The following GBP2 variants were observed in gnomAD, a reference collection of about 807,000 sequenced individuals.
GBP2 encodes guanylate-binding protein 2.
GBP2 carries 54 observed loss-of-function variants against 60.8 expected under a neutral mutation model. The ratio of observed to expected loss-of-function variants is 0.89; its 90% CI spans 0.71 to 1.11. The LOEUF (loss-of-function observed/expected upper bound fraction) is 1.11, where lower values mean the gene tolerates loss of function less well. Ranked by LOEUF, GBP2 falls within the 50% of genes most tolerant of loss-of-function variation. GBP2 has a pLI of 0.00. For synonymous variants in GBP2, 243 were observed against 256.5 expected, an observed-to-expected ratio of 0.95 and a Z score of 0.50; for missense variants, 665 against 703.3, an observed-to-expected ratio of 0.95 and a Z score of 0.62.
In GBP2 at chr1:89,109,841, C is replaced by G. The variant is rs930486333; in HGVS notation, c.1495G>C (p.Ala499Pro). 1 of 1,613,758 alleles carries G rather than the reference C, an allele frequency of 6.2e-7. No homozygotes were observed. Among genetic ancestry groups the G allele is most frequent in the African/African-American group, 1.3e-5 (1 of 75,034 alleles). Residue 499 changes from alanine to proline, a missense_variant, in exon 10 of 11, where the codon GCT becomes CCT. Physicochemically the swap from Ala to Pro is conservative, Grantham distance 27. Transcript: ENST00000370466. ...ATTTCCTCCAACATTTTCTTTGCAG[C>G]TTCTGCAGATTCAGCCTTTATACGT... is the stretch of plus-strand genomic sequence containing the variant. ...VERIKAESAE[A>P]AKKMLEEIQK...
At chr1:89,112,811 T>C in intron 7 of GBP2, 127 bp from the exon 8 acceptor site, 2 of 673,280 alleles carry the variant, frequency 3.0e-6, no homozygotes, top group East Asian at 2.7e-5. Flanking sequence ...GCTCCTCACA[T>C]TGCTGTTAGA....
At chr1:89,110,777 C>G (rs1681149587) in intron 8 of GBP2, among the ~76,000 whole-genome samples, 2 of 152,160 alleles carry the variant, frequency 1.3e-5, no homozygotes, top group Non-Finnish European at 1.5e-5. Flanking sequence ...ACACCAAAAT[C>G]TCAGAAATCA....
intron 4 of GBP2, chr1:89,119,193 G>C (rs1240618187): frequency 2.6e-5 from 4 of 152,128 alleles, no homozygotes. Context: ...AGGAAATGTG[G>C]TATTCTAATA....
chr1:89,122,031 T>A, intron 1 of GBP2, 48 bp from the exon 2 acceptor site: 1 of 1,432,240 alleles, frequency 7.0e-7, no homozygotes, highest in Non-Finnish European at 9.5e-7. Context: ...TTTAGGTAGT[T>A]AGCTATGCTG....
Position 89,112,901 on chromosome 1 carries a change from C to T in GBP2, c.1150-217G>A, listed in dbSNP as rs907438901. 30 of 568,380 alleles carry T rather than the reference C, an allele frequency of 5.3e-5. No individual in the cohort carries two copies. In the Admixed American group the frequency reaches 6.3e-4, roughly 12 times the overall value. The allele number at this position is 568,380 out of a possible 1,614,324, so 35.2% of individuals were successfully genotyped here. ...TGTGATTTCCTAAAGCTCCTTTCTC[C>T]CAGTTTTCCTGTTTCAGAGAATGAT... On this transcript the variant is annotated intron_variant, in intron 7 of 10. Transcript: ENST00000370466.
Position 89,113,341 on chromosome 1 carries a change from C to A in GBP2, c.1150-657G>T, listed in dbSNP as rs112956911. Reference sequence around the variant, plus strand: ...TCTCATAGAACAGCACATTTATCTACATTAAATCACTCAAGATAACTTAAC... The same window carrying A: ...TCTCATAGAACAGCACATTTATCTAAATTAAATCACTCAAGATAACTTAAC... On this transcript the variant is annotated intron_variant, in intron 7 of 10. Coordinates refer to ENST00000370466, the MANE Select transcript of GBP2 (RefSeq NM_004120.5). Among the ~76,000 whole-genome samples the A allele has an allele frequency of 4.9e-3, 752 of 152,354 alleles. 4 individuals are homozygous for A. Among genetic ancestry groups the A allele is most frequent in the South Asian group, 0.016 (79 of 4,834 alleles).
chr1:89,121,824 C>T lies in GBP2; in HGVS notation c.143G>A (p.Arg48His), dbSNP rs745556196. Residue 48 changes from arginine to histidine, a missense_variant, in exon 2 of 11, where the codon CGC becomes CAC. Coordinates refer to ENST00000370466, the MANE Select transcript of GBP2 (RefSeq NM_004120.5). ...GTTCATCAGGTAGGATTTGCCTGTGCGATAGAGGCCCACAATCGCCACCAC... is the reference window on the plus strand; with the variant it reads ...GTTCATCAGGTAGGATTTGCCTGTGTGATAGAGGCCCACAATCGCCACCAC... ...VVVVAIVGLY[R>H]TGKSYLMNKL... 9.9e-6 allele frequency: 16 copies of T among 1,613,864 alleles called. No homozygotes were observed. Among genetic ancestry groups the T allele is most frequent in the South Asian group, 2.2e-5 (2 of 91,070 alleles).
intron 6 of GBP2, among the ~76,000 whole-genome samples, chr1:89,114,870 T>C (rs1681237806): frequency 6.6e-6 from 1 of 152,188 alleles, no homozygotes; most frequent in Non-Finnish European, 1.5e-5. Context: ...TGATTCTTTT[T>C]GACTCAATCC....
chr1:89,114,005 A>G lies in GBP2; in HGVS notation c.1149+11T>C, dbSNP rs1399320609. 1.2e-6 allele frequency: 2 copies of G among 1,613,798 alleles called. No individual in the cohort carries two copies. Among genetic ancestry groups the G allele is most frequent in the Non-Finnish European group, 1.7e-6 (2 of 1,179,792 alleles). On this transcript the variant is annotated intron_variant, in intron 7 of 10. Coordinates refer to ENST00000370466, the MANE Select transcript of GBP2 (RefSeq NM_004120.5). ...TTTTCTGCCTCTCATGACGTAGAAC[A>G]CCAAATATACCCCTAATTTCCTCTG...
intron 4 of GBP2, 46 bp downstream of exon 4, chr1:89,120,133 G>A (rs767460204): frequency 3.6e-6 from 5 of 1,399,292 alleles, no homozygotes; most frequent in Admixed American, 1.7e-5. Flanking sequence ...AAATGAAGCT[G>A]TTATTTTCTA....
chr1:89,123,864 C>CT (rs1557444096), intron 1 of GBP2, among the ~76,000 whole-genome samples: 2 of 152,216 alleles, frequency 1.3e-5, no homozygotes, highest in Admixed American at 1.3e-4. Flanking sequence ...CCCATTCCAT[C>CT]TGTCTTTCTA....
intron 3 of GBP2, 73 bp from the exon 4 acceptor site, chr1:89,120,361 T>A: frequency 2.5e-6 from 3 of 1,204,714 alleles, no homozygotes; most frequent in Non-Finnish European, 3.7e-6. Context: ...AGCTGAAGAC[T>A]GACTGAACTC....
intron 4 of GBP2, chr1:89,119,798 T>G (rs887515614): frequency 1.2e-5 from 2 of 171,998 alleles, no homozygotes; most frequent in South Asian, 2.7e-4. Flanking sequence ...GAGAGGTCTG[T>G]AGGAGAAATA....
intron 7 of GBP2, among the ~76,000 whole-genome samples, chr1:89,113,260 T>G (rs1480238357): frequency 6.6e-6 from 1 of 152,232 alleles, no homozygotes; most frequent in Non-Finnish European, 1.5e-5. Flanking sequence ...TTTCTCAGCA[T>G]AGGGCTAATG....
chr1:89,125,596 A>G (rs1681501853), intron 1 of GBP2, among the ~76,000 whole-genome samples: 1 of 152,240 alleles, frequency 6.6e-6, no homozygotes, highest in Non-Finnish European at 1.5e-5. Context: ...AACTTTATTA[A>G]GCAGATACTA....
rs1470697958 is a variant in GBP2 at position 89,121,887 on chromosome 1, G to A, written c.80C>T (p.Ala27Val). The change falls in exon 2 of 11, where the codon GCT becomes GTT. Residue 27 changes from alanine to valine, a missense_variant. Transcript: ENST00000370466. ...CGTAATTGCAGATAGGATCTTCAGAGCTTCTGGATTCACCACCAGCTGCCC... is the reference window on the plus strand; with the variant it reads ...CGTAATTGCAGATAGGATCTTCAGAACTTCTGGATTCACCACCAGCTGCCC... ...TKGQLVVNPE[A>V]LKILSAITQP... 1.9e-6 allele frequency: 3 copies of A among 1,614,066 alleles called. No homozygotes were observed. The highest frequency in any genetic ancestry group is 1.7e-6 in the Non-Finnish European group (2 of 1,179,978).
rs772362131 is a variant in GBP2, at chr1:89,117,756, G to A, written c.446C>T (p.Thr149Ile). The A allele has an allele frequency of 3.9e-5, 62 of 1,609,736 alleles. No individual in the cohort carries two copies. The highest frequency in any genetic ancestry group is 4.9e-5 in the Non-Finnish European group (58 of 1,178,324). ...TGAGGAGTTTGCCTTGATTCGATCT[G>A]TCAGCTCTGTCACATAGCTGAGATG... ...MDQLHYVTEL[T>I]DRIKANSSPG... Residue 149 changes from threonine to isoleucine, a missense_variant, in exon 5 of 11, where the codon ACA becomes ATA. Thr to Ile is a moderately conservative substitution (Grantham distance 89). Transcript: ENST00000370466.
chr1:89,109,375 A>G (rs1681118407), intron 10 of GBP2, among the ~76,000 whole-genome samples: 3 of 152,226 alleles, frequency 2.0e-5, no homozygotes, highest in Admixed American at 6.5e-5. Flanking sequence ...TCATTTAGCA[A>G]ATGAGAAACT....
At position 89,117,577 on chromosome 1, in the gene GBP2, C is replaced by A. The variant is rs879687682; in HGVS notation, c.625G>T (p.Gly209Cys). 5.6e-6 allele frequency: 9 copies of A among 1,611,784 alleles called. No homozygotes were observed. Among genetic ancestry groups the A allele is most frequent in the Non-Finnish European group, 7.6e-6 (9 of 1,179,050 alleles). ...YLELSLKLRKGTDKKSKSFND... is the reference protein window; with the variant it reads ...YLELSLKLRKCTDKKSKSFND... Reference sequence around the variant, plus strand: ...CCAACCAAGCATCAGACCCAGTAACCTTTTCTTAGCTTTAGCGAAAGCTCC... The same window carrying A: ...CCAACCAAGCATCAGACCCAGTAACATTTTCTTAGCTTTAGCGAAAGCTCC... The change falls in exon 5 of 11, where the codon GGT becomes TGT. Residue 209 changes from glycine (G) to cysteine (C), a missense_variant and splice_region_variant. By Grantham distance (159) the Gly-to-Cys change is radical. Transcript: ENST00000370466.
Sources: gnomAD v4.1 joint callset for allele counts (sites outside exome capture counted in the v4.1 genomes callset) on GRCh38, gnomAD v4.1.1 for gene constraint, MANE v1.5 for transcripts, NCBI Gene and HGNC (gene_info 2026-07-23, HGNC 2026-07-21) for gene names.